Variants in ATAD5 observed in about 807,000 individuals in gnomAD.
ATAD5 encodes ATPase family AAA domain containing 5, also known as ATPase family AAA domain-containing protein 5.
A neutral mutation model predicts 176.9 loss-of-function variants in ATAD5; 58 were observed. That is an observed-to-expected ratio of 0.33 (90% CI 0.27 to 0.41). ATAD5 has a LOEUF of 0.41. ATAD5 is among the 10% of genes least tolerant of loss of function. The pLI is 1.00. For synonymous variants in ATAD5, 640 were observed against 712.6 expected, an observed-to-expected ratio of 0.90 and a Z score of 1.62; for missense variants, 1,789 against 2,094.1, an observed-to-expected ratio of 0.85 and a Z score of 2.84.
chr17:30,874,417 T>C (rs1026782831), intron 14 of ATAD5, among the ~76,000 whole-genome samples: 2 of 149,278 alleles, frequency 1.3e-5, no homozygotes, highest in African/African-American at 4.9e-5. Context: ...GGCGTGTGCT[T>C]GTAATCCCAG....
At chr17:30,876,161 A>G (rs1033240582) in intron 14 of ATAD5, among the ~76,000 whole-genome samples, 34 of 152,162 alleles carry the variant, frequency 2.2e-4, no homozygotes, top group Non-Finnish European at 4.0e-4. Context: ...AAATAAAATA[A>G]AATAAATAAA....
intron 6 of ATAD5, among the ~76,000 whole-genome samples, chr17:30,849,913 G>A (rs1280894116): frequency 3.9e-5 from 6 of 152,158 alleles, no homozygotes; most frequent in Non-Finnish European, 8.8e-5. Context: ...TAATAGAAGT[G>A]TGTTGTATTG....
At chr17:30,852,289 T>C (rs572348858) in intron 6 of ATAD5, among the ~76,000 whole-genome samples, 33 of 152,354 alleles carry the variant, frequency 2.2e-4, no homozygotes, top group Admixed American at 1.4e-3. Context: ...CCCTTTGACA[T>C]GTCCTCATAA....
intron 15 of ATAD5, 70 bp downstream of exon 15, chr17:30,876,620 C>A: frequency 1.2e-6 from 1 of 838,166 alleles, no homozygotes; most frequent in Non-Finnish European, 1.7e-6. Flanking sequence ...AATGTGAGCA[C>A]ATTTTACGAG....
chr17:30,895,471 A>G lies in ATAD5; in HGVS notation c.*558A>G, dbSNP rs975572900. ...CCAGGCTGGAGTGCAGTGGCCTGGT[A>G]TCGGCTCAGTGCAACTTTTGCCTCC... On this transcript the variant is annotated 3_prime_UTR_variant, in exon 23 of 23. Transcript: ENST00000321990. 7.0e-6 allele frequency: 1 copy of G among 143,178 alleles called. No individual in the cohort carries two copies. The highest frequency in any genetic ancestry group is 2.6e-5 in the African/African-American group (1 of 38,158). The allele number at this position is 143,178 out of a possible 1,614,324, so 8.9% of individuals were successfully genotyped here. A position where few individuals can be genotyped will look rare whatever the true frequency, so the allele number is the denominator to read the frequency against.
intron 17 of ATAD5, 25 bp from the exon 18 acceptor site, chr17:30,879,398 T>G: frequency 6.3e-7 from 1 of 1,599,576 alleles, no homozygotes. Flanking sequence ...GAATTTTTTT[T>G]TTTTGTGTGT....
At chr17:30,850,898 T>TGAGATAGAG in intron 6 of ATAD5, among the ~76,000 whole-genome samples, 1 of 92,466 alleles carries the variant, frequency 1.1e-5, no homozygotes, top group Admixed American at 1.2e-4. Context: ...TTTTTTTTTT[T>TGAGATAGAG]TTTTGAGATA....
rs771081969 is a variant in ATAD5, at chr17:30,894,847, T to C, written c.5469T>C (p.Tyr1823=). 5.7e-6 allele frequency: 9 copies of C among 1,590,128 alleles called. No homozygotes were observed. Among genetic ancestry groups the C allele is most frequent in the Non-Finnish European group, 7.7e-6 (9 of 1,173,516 alleles). ...QGKSKRRFLH[Y]FEGIHLDIPK... ...GTAATTTTGACAGATTCCTGCACTATTTTGAAGGAATTCATCTTGACATTC... is the reference window on the plus strand; with the variant it reads ...GTAATTTTGACAGATTCCTGCACTACTTTGAAGGAATTCATCTTGACATTC... The change falls in exon 23 of 23, where the codon TAT becomes TAC. Residue 1823 remains tyrosine (Y), a synonymous_variant. Transcript: ENST00000321990.
rs771164021 is a variant in ATAD5 at position 30,834,911 on chromosome 17, A to T, written c.830A>T (p.Asn277Ile). 1.2e-6 allele frequency: 2 copies of T among 1,613,726 alleles called. No homozygotes were observed. Among genetic ancestry groups the T allele is most frequent in the Non-Finnish European group, 1.7e-6 (2 of 1,179,920 alleles). ...GAATTTTTAAAAAGTCACAAGGAAA[A>T]TAAAGTGGAAGAGATACCAGACTCT... The part of the protein sequence containing the change: ...YEEFLKSHKE[N>I]KVEEIPDSTM... The change falls in exon 2 of 23, where the codon AAT (asparagine) becomes ATT (isoleucine). Residue 277 changes from asparagine (N) to isoleucine (I), a missense_variant. Physicochemically the swap from Asn to Ile is moderately radical, Grantham distance 149. Transcript: ENST00000321990.
intron 18 of ATAD5, among the ~76,000 whole-genome samples, chr17:30,885,479 G>A (rs1259793000): frequency 2.6e-5 from 4 of 152,268 alleles, no homozygotes; most frequent in Middle Eastern, 3.4e-3. Context: ...ATGTTAAGTA[G>A]AAGTGGTAAC....
chr17:30,893,118 TTTAA>T (rs1206476118), intron 20 of ATAD5, among the ~76,000 whole-genome samples, 172 bp from the exon 21 acceptor site: 1 of 152,166 alleles, frequency 6.6e-6, no homozygotes, highest in Non-Finnish European at 1.5e-5. Flanking sequence ...ATCGTCTAAA[TTTAA>T]TTTTTAGACA....
rs759238765 is a variant in ATAD5 at position 30,835,635 on chromosome 17, G to C, written c.1554G>C (p.Met518Ile). ...FLKEKQYQNR[M>I]SLRQRKTEFF... is the part of the protein sequence containing the mutation. ...AAGAGAAACAATATCAAAATAGAATGAGTTTAAGACAAAGGAAAACAGAGT... is the reference window on the plus strand; with the variant it reads ...AAGAGAAACAATATCAAAATAGAATCAGTTTAAGACAAAGGAAAACAGAGT... The change falls in exon 2 of 23, where the codon ATG becomes ATC. Residue 518 changes from methionine to isoleucine, a missense_variant. Around this residue, in one of 6 missense-constraint regions of ATAD5, gnomAD observed 696 missense variants for 712.5 expected, o/e 0.98. Coordinates refer to ENST00000321990, the MANE Select transcript of ATAD5 (RefSeq NM_024857.5). 6.2e-7 allele frequency: 1 copy of C among 1,608,202 alleles called. No homozygotes were observed. Among genetic ancestry groups the C allele is most frequent in the African/African-American group, 1.3e-5 (1 of 74,636 alleles).
At position 30,860,515 on chromosome 17, in the gene ATAD5, A is replaced by G. The variant is rs767618512; in HGVS notation, c.3039A>G (p.Pro1013=). The change falls in exon 10 of 23, where the codon CCA becomes CCG. Residue 1013 remains proline (P), a synonymous_variant. Coordinates refer to ENST00000321990, the MANE Select transcript of ATAD5 (RefSeq NM_024857.5). The part of the protein sequence containing the change: ...AENSKSKRKK[P]NEYSKNLEKT... Reference sequence around the variant, plus strand: ...ATTCTAAGTCAAAAAGAAAGAAACCAAATGAGTATTCAAAAAATCTGGAGA... The same window carrying G: ...ATTCTAAGTCAAAAAGAAAGAAACCGAATGAGTATTCAAAAAATCTGGAGA... The G allele has an allele frequency of 2.5e-6, 4 of 1,600,286 alleles. No individual in the cohort carries two copies. Among genetic ancestry groups the G allele is most frequent in the Non-Finnish European group, 3.4e-6 (4 of 1,177,232 alleles).
chr17:30,890,610 A>T (rs1909587637), intron 19 of ATAD5, among the ~76,000 whole-genome samples: 1 of 151,500 alleles, frequency 6.6e-6, no homozygotes, highest in Admixed American at 6.6e-5. Context: ...TTTAGTAGAG[A>T]CAGGGTTTCA....
intron 19 of ATAD5, among the ~76,000 whole-genome samples, chr17:30,890,159 GATTATAGGC>G (rs1909554179): frequency 6.6e-6 from 1 of 151,494 alleles, no homozygotes; most frequent in African/African-American, 2.4e-5. Flanking sequence ...AAAGTGCTGG[GATTATAGGC>G]ATGAGCCACC....
At chr17:30,878,733 T>TTTTTG (rs1908830315) in intron 17 of ATAD5, among the ~76,000 whole-genome samples, 1 of 122,462 alleles carries the variant, frequency 8.2e-6, no homozygotes, top group African/African-American at 3.5e-5. Context: ...TTTTTTTTTT[T>TTTTTG]TTTTTTTTTT....
chr17:30,868,500 T>C, intron 12 of ATAD5, 88 bp downstream of exon 12: 1 of 782,230 alleles, frequency 1.3e-6, no homozygotes, highest in Non-Finnish European at 1.7e-6. Context: ...AAAATTTCTT[T>C]TTTTTTTAAT....
At chr17:30,893,193 A>G (rs1244805015) in intron 20 of ATAD5, 101 bp from the exon 21 acceptor site, 1 of 1,251,522 alleles carries the variant, frequency 8.0e-7, no homozygotes, top group Non-Finnish European at 1.1e-6. Flanking sequence ...GTGACTCAGT[A>G]CTTTGAATTT....
chr17:30,850,310 C>T (rs1254350594), intron 6 of ATAD5, among the ~76,000 whole-genome samples: 1 of 151,782 alleles, frequency 6.6e-6, no homozygotes, highest in Admixed American at 6.6e-5. Context: ...TCTCCCCTCC[C>T]CTCTCCCACC....
Sources: gnomAD v4.1 joint callset for allele counts (sites outside exome capture counted in the v4.1 genomes callset) on GRCh38, gnomAD v4.1.1 for gene constraint, gnomAD v4.1.1 regional missense constraint, MANE v1.5 for transcripts, NCBI Gene and HGNC (gene_info 2026-07-23, HGNC 2026-07-21) for gene names.